Variants in LYPLAL1 observed in about 807,000 individuals in gnomAD.
LYPLAL1 encodes the protein lysophospholipase like 1, also known as lysophospholipase-like protein 1.
In LYPLAL1, 23 loss-of-function variants were observed where a neutral mutation model predicts 19.7. The ratio of observed to expected loss-of-function variants is 1.17; its 90% CI spans 0.84 to 1.65. The LOEUF (loss-of-function observed/expected upper bound fraction) is 1.65. LYPLAL1 is among the 40% of genes most tolerant of loss of function. The pLI, the probability that LYPLAL1 is intolerant of heterozygous loss-of-function variation, is 0.00. For missense variants in LYPLAL1, 355 were observed against 279.4 expected, an observed-to-expected ratio of 1.27 and a Z score of -1.93; for synonymous variants, 119 against 96.3, an observed-to-expected ratio of 1.24 and a Z score of -1.38.
At chr1:219,427,682 A>G in the LYPLAL1 span, among the ~76,000 whole-genome samples, 1 of 152,162 alleles carries the variant, frequency 6.6e-6, no homozygotes, top group Non-Finnish European at 1.5e-5. Context: ...ATTCTTTTCC[A>G]TGATTGTTTC....
At chr1:219,392,195 C>T in the LYPLAL1 span, among the ~76,000 whole-genome samples, 1 of 152,240 alleles carries the variant, frequency 6.6e-6, no homozygotes, top group South Asian at 2.1e-4. Flanking sequence ...ACATTGAGAT[C>T]CCTGATCGCT....
the LYPLAL1 span, among the ~76,000 whole-genome samples, chr1:219,275,876 G>A: frequency 6.6e-6 from 1 of 152,018 alleles, no homozygotes; most frequent in South Asian, 2.1e-4. Flanking sequence ...ACTAAAACAG[G>A]TCTTGCACAC....
the LYPLAL1 span, among the ~76,000 whole-genome samples, chr1:219,364,525 T>A: frequency 0.068 from 10,306 of 152,236 alleles, 503 homozygotes; most frequent in South Asian, 0.14. Flanking sequence ...TCTTGTTGTT[T>A]GTAGTCTCTT....
chr1:219,244,914 A>AC, the LYPLAL1 span, among the ~76,000 whole-genome samples: 1 of 149,628 alleles, frequency 6.7e-6, no homozygotes, highest in East Asian at 2.0e-4. Context: ...GCCACTGCAA[A>AC]AAAAAAAAAA....
chr1:219,360,677 G>A, the LYPLAL1 span, among the ~76,000 whole-genome samples: 1 of 152,102 alleles, frequency 6.6e-6, no homozygotes, highest in Non-Finnish European at 1.5e-5. Flanking sequence ...GTTTGTCAGG[G>A]TAGGAAAGGG....
the LYPLAL1 span, among the ~76,000 whole-genome samples, chr1:219,264,588 C>T: frequency 1.3e-5 from 2 of 152,148 alleles, no homozygotes; most frequent in East Asian, 1.9e-4. Context: ...CATGTGAAGA[C>T]GAATGCTTGG....
chr1:219,360,262 T>A, the LYPLAL1 span, among the ~76,000 whole-genome samples: 1 of 152,214 alleles, frequency 6.6e-6, no homozygotes, highest in Non-Finnish European at 1.5e-5. Flanking sequence ...TGGAACTGGA[T>A]GCCTTGCATC....
At chr1:219,198,072 T>C (rs1657756300) in intron 3 of LYPLAL1, among the ~76,000 whole-genome samples, 1 of 152,152 alleles carries the variant, frequency 6.6e-6, no homozygotes, top group Non-Finnish European at 1.5e-5. Context: ...TAATTTGTTT[T>C]TCCATTTTCT....
the LYPLAL1 span, among the ~76,000 whole-genome samples, chr1:219,381,070 C>A: frequency 1.3e-5 from 2 of 152,110 alleles, no homozygotes; most frequent in Non-Finnish European, 2.9e-5. Flanking sequence ...TGTCCCCACC[C>A]AAATCTCATC....
the LYPLAL1 span, among the ~76,000 whole-genome samples, chr1:219,342,496 A>G: frequency 6.6e-6 from 1 of 152,060 alleles, no homozygotes; most frequent in Non-Finnish European, 1.5e-5. Flanking sequence ...TGCTGTTGTT[A>G]TGAGCAACAA....
intron 3 of LYPLAL1, among the ~76,000 whole-genome samples, chr1:219,202,102 T>C (rs1385619750): frequency 2.0e-5 from 3 of 152,222 alleles, no homozygotes; most frequent in Admixed American, 6.5e-5. Context: ...ACTTGGGCTC[T>C]AGACTCAGAG....
the LYPLAL1 span, among the ~76,000 whole-genome samples, chr1:219,413,402 G>C: frequency 2.0e-5 from 3 of 152,158 alleles, no homozygotes; most frequent in East Asian, 5.8e-4. Flanking sequence ...CCATGTACCA[G>C]ATAAACAAAA....
the LYPLAL1 span, among the ~76,000 whole-genome samples, chr1:219,239,263 A>G: frequency 6.6e-6 from 1 of 152,232 alleles, no homozygotes; most frequent in Non-Finnish European, 1.5e-5. Flanking sequence ...CGCTATCTGA[A>G]CAAAGCCCAG....
chr1:219,375,736 A>ATTTT, the LYPLAL1 span, among the ~76,000 whole-genome samples: 5 of 134,514 alleles, frequency 3.7e-5, no homozygotes, highest in Non-Finnish European at 6.3e-5. Flanking sequence ...ATGCTTCCTG[A>ATTTT]TTTTTTTTTT....
the LYPLAL1 span, among the ~76,000 whole-genome samples, chr1:219,410,710 T>C: frequency 6.6e-6 from 1 of 152,150 alleles, no homozygotes; most frequent in East Asian, 1.9e-4. Context: ...CTGGAGTTCC[T>C]GGTGGGCGTG....
At chr1:219,409,168 G>T in the LYPLAL1 span, among the ~76,000 whole-genome samples, 1 of 152,184 alleles carries the variant, frequency 6.6e-6, no homozygotes, top group Non-Finnish European at 1.5e-5. Flanking sequence ...AAATAAAATG[G>T]TTGGGTGTAG....
At chr1:219,263,425 T>A in the LYPLAL1 span, among the ~76,000 whole-genome samples, 1 of 152,308 alleles carries the variant, frequency 6.6e-6, no homozygotes, top group African/African-American at 2.4e-5. Context: ...AGCCTGCCAC[T>A]GAGAAAGCAA....
the LYPLAL1 span, among the ~76,000 whole-genome samples, chr1:219,375,834 C>T: frequency 1.2e-4 from 18 of 151,756 alleles, no homozygotes; most frequent in Admixed American, 2.6e-4. Flanking sequence ...CTCCACCTCC[C>T]GGGTTCATGC....
the LYPLAL1 span, among the ~76,000 whole-genome samples, chr1:219,416,756 T>C: frequency 6.6e-6 from 1 of 152,170 alleles, no homozygotes; most frequent in Non-Finnish European, 1.5e-5. Flanking sequence ...TGCACTGGTG[T>C]GAGTGCCTTA....
Sources: allele counts gnomAD v4.1 joint callset (sites outside exome capture counted in the v4.1 genomes callset), GRCh38; gene constraint gnomAD v4.1.1; transcripts MANE v1.5; gene names NCBI Gene and HGNC (gene_info 2026-07-23, HGNC 2026-07-21).